The following DPP6 variants were observed in gnomAD, a reference collection of about 807,000 sequenced individuals.
DPP6 encodes the protein dipeptidyl peptidase like 6, also known as A-type potassium channel modulatory protein DPP6.
In DPP6, 69 loss-of-function variants were observed where a neutral mutation model predicts 122.6. The ratio of observed to expected loss-of-function variants is 0.56; its 90% CI spans 0.46 to 0.69. The LOEUF is 0.69. Ranked by LOEUF, DPP6 falls within the 30% of genes least tolerant of loss-of-function variation. DPP6 has a pLI of 0.00. For missense variants in DPP6, 928 were observed against 1,116.9 expected (o/e 0.83, Z 2.41); for synonymous variants, 418 against 433.1 (o/e 0.97, Z 0.43).
intron 1 of DPP6, among the ~76,000 whole-genome samples, chr7:154,191,667 A>G (rs1045890301): frequency 2.6e-5 from 4 of 152,208 alleles, no homozygotes; most frequent in African/African-American, 9.6e-5. Context: ...CTACATTAGC[A>G]TTTATGGGTG....
intron 7 of DPP6, among the ~76,000 whole-genome samples, chr7:154,673,426 C>G (rs1480500352): frequency 6.6e-6 from 1 of 152,142 alleles, no homozygotes; most frequent in Non-Finnish European, 1.5e-5. Context: ...GATGTGGTTG[C>G]CAATTAGCTC....
chr7:153,793,840 G>T, the DPP6 span, among the ~76,000 whole-genome samples: 2 of 152,164 alleles, frequency 1.3e-5, no homozygotes, highest in Non-Finnish European at 2.9e-5. Flanking sequence ...AGTTACTCCA[G>T]CCATGGCTGA....
the DPP6 span, among the ~76,000 whole-genome samples, chr7:153,840,762 G>A: frequency 2.6e-5 from 4 of 152,280 alleles, no homozygotes; most frequent in South Asian, 2.1e-4. Context: ...AAAAGACAGC[G>A]GACATTTCTA....
intron 1 of DPP6, among the ~76,000 whole-genome samples, chr7:154,323,507 T>C (rs1247706586): frequency 1.3e-5 from 2 of 152,210 alleles, no homozygotes; most frequent in Non-Finnish European, 2.9e-5. Context: ...AAGGTACATG[T>C]CTATTTTCAT....
chr7:154,291,403 C>A (rs573760604), intron 1 of DPP6, among the ~76,000 whole-genome samples: 1 of 152,314 alleles, frequency 6.6e-6, no homozygotes, highest in African/African-American at 2.4e-5. Flanking sequence ...TGGCAAGTCT[C>A]CAGGAACCAA....
chr7:154,610,451 A>C (rs2130803970), intron 5 of DPP6, among the ~76,000 whole-genome samples: 1 of 152,300 alleles, frequency 6.6e-6, no homozygotes, highest in East Asian at 1.9e-4. Flanking sequence ...AGCAGAGAAG[A>C]GTTGGGCTGA....
intron 1 of DPP6, among the ~76,000 whole-genome samples, chr7:153,949,342 G>C (rs1802099064): frequency 6.6e-6 from 1 of 152,200 alleles, no homozygotes. Flanking sequence ...AGACCTCACA[G>C]AGCCCAGCCC....
intron 1 of DPP6, among the ~76,000 whole-genome samples, chr7:154,266,106 A>G (rs988970930): frequency 1.2e-4 from 19 of 152,256 alleles, no homozygotes; most frequent in African/African-American, 3.6e-4. Context: ...TCATATCTCT[A>G]TGAGAGATAC....
intron 7 of DPP6, among the ~76,000 whole-genome samples, chr7:154,717,980 A>G (rs1841586797): frequency 6.6e-6 from 1 of 152,018 alleles, no homozygotes; most frequent in Non-Finnish European, 1.5e-5. Flanking sequence ...TGTTGTTTTC[A>G]TTTGCATTTC....
At chr7:153,819,860 TTTTG>T in the DPP6 span, among the ~76,000 whole-genome samples, 2 of 152,194 alleles carry the variant, frequency 1.3e-5, no homozygotes, top group African/African-American at 4.8e-5. Flanking sequence ...TCTGCAGCTT[TTTTG>T]TTTGTTTTTG....
chr7:153,884,907 G>GA (rs1798849803), upstream of DPP6, among the ~76,000 whole-genome samples: 1 of 151,008 alleles, frequency 6.6e-6, no homozygotes. Flanking sequence ...TTGAACCTGG[G>GA]AGGCGGAGGT....
intron 10 of DPP6, among the ~76,000 whole-genome samples, chr7:154,788,386 G>A (rs1797465303): frequency 2.0e-5 from 3 of 151,568 alleles, no homozygotes; most frequent in South Asian, 2.1e-4. Flanking sequence ...GGAGGTTGCA[G>A]TGAGCTGAGA....
At chr7:153,808,721 C>T in the DPP6 span, among the ~76,000 whole-genome samples, 2 of 151,942 alleles carry the variant, frequency 1.3e-5, no homozygotes, top group African/African-American at 2.4e-5. Context: ...TTGTAAATAG[C>T]AGGATTTCAT....
chr7:154,849,853 T>C (rs989063275), intron 16 of DPP6, among the ~76,000 whole-genome samples: 1 of 152,226 alleles, frequency 6.6e-6, no homozygotes, highest in African/African-American at 2.4e-5. Context: ...TACCTACTTG[T>C]TGACAGCTTT....
intron 4 of DPP6, among the ~76,000 whole-genome samples, chr7:154,562,106 T>C (rs115163551): frequency 0.01 from 1,564 of 152,164 alleles, 26 homozygotes; most frequent in African/African-American, 0.034. Flanking sequence ...AGGGCAGTAT[T>C]ACCCTGAAAT....
chr7:154,205,987 G>A (rs905494131), intron 1 of DPP6, among the ~76,000 whole-genome samples: 2 of 152,084 alleles, frequency 1.3e-5, no homozygotes, highest in African/African-American at 4.8e-5. Context: ...CCTGAGGCTG[G>A]CCTCCACACC....
At chr7:153,807,865 G>A in the DPP6 span, among the ~76,000 whole-genome samples, 1 of 151,936 alleles carries the variant, frequency 6.6e-6, no homozygotes, top group Non-Finnish European at 1.5e-5. Flanking sequence ...CCTCTACCTG[G>A]AAGCTGTGGG....
At chr7:153,760,382 A>G in the DPP6 span, among the ~76,000 whole-genome samples, 12 of 152,172 alleles carry the variant, frequency 7.9e-5, no homozygotes, top group African/African-American at 2.4e-4. Flanking sequence ...GTCAATTTCA[A>G]TTGATCAAAT....
intron 3 of DPP6, among the ~76,000 whole-genome samples, chr7:154,530,161 A>T (rs1827729320): frequency 6.6e-6 from 1 of 152,032 alleles, no homozygotes; most frequent in Non-Finnish European, 1.5e-5. Context: ...AAAAAGAAGG[A>T]AATTATTCAA....
Sources: allele counts gnomAD v4.1 joint callset (sites outside exome capture counted in the v4.1 genomes callset), GRCh38; gene constraint gnomAD v4.1.1; transcripts MANE v1.5; gene names NCBI Gene and HGNC (gene_info 2026-07-23, HGNC 2026-07-21).